The following CCDC18 variants were observed in gnomAD, a reference collection of about 807,000 sequenced individuals.
CCDC18 encodes the protein coiled-coil domain containing 18.
CCDC18 carries 157 observed loss-of-function variants against 196.0 expected under a neutral mutation model. That is an observed-to-expected ratio of 0.80 (90% CI 0.70 to 0.91). CCDC18 has a LOEUF of 0.91. CCDC18 is among the 40% of genes least tolerant of loss of function. CCDC18 has a pLI of 0.00. For missense variants in CCDC18, 1,465 were observed against 1,611.6 expected (o/e 0.91, Z 1.56); for synonymous variants, 482 against 529.2 (o/e 0.91, Z 1.22).
At chr1:93,217,447 A>G (rs927647985) in intron 13 of CCDC18, among the ~76,000 whole-genome samples, 28 of 152,056 alleles carry the variant, frequency 1.8e-4, no homozygotes, top group South Asian at 4.2e-4. Context: ...CTGCTTTTCA[A>G]TTATACTTTT....
At chr1:93,198,696 G>T (rs1653227277) in intron 6 of CCDC18, among the ~76,000 whole-genome samples, 1 of 152,076 alleles carries the variant, frequency 6.6e-6, no homozygotes, top group South Asian at 2.1e-4. Context: ...TACCCAGGCT[G>T]GAGTGCAATG....
At position 93,210,111 on chromosome 1, in the gene CCDC18, G is replaced by A. The variant is rs60242743; in HGVS notation, c.1210-691G>A. ...CGAATGTGGTAATGTATGCTTGATCGTTTGTTTCTTGTAGTGCTAAGAATG... is the reference window on the plus strand; with the variant it reads ...CGAATGTGGTAATGTATGCTTGATCATTTGTTTCTTGTAGTGCTAAGAATG... On this transcript the variant is annotated intron_variant, in intron 9 of 28. Transcript: ENST00000690025. Among the ~76,000 whole-genome samples, 349 of 152,214 alleles carry A rather than the reference G, an allele frequency of 2.3e-3. 1 individual carries two copies. The highest frequency in any genetic ancestry group is 7.8e-3 in the African/African-American group (325 of 41,534).
chr1:93,180,512 CT>C (rs773681629), upstream of CCDC18: 14 of 1,537,262 alleles, frequency 9.1e-6, no homozygotes, highest in Middle Eastern at 1.7e-4. Flanking sequence ...GCCTCTCCCC[CT>C]GACGGCCTCC....
At chr1:93,192,666 G>A (rs1652025987) in intron 5 of CCDC18, among the ~76,000 whole-genome samples, 1 of 152,310 alleles carries the variant, frequency 6.6e-6, no homozygotes, top group Admixed American at 6.5e-5. Context: ...TCAAACTCCT[G>A]GCCTCAAGCA....
At chr1:93,227,969 A>AT (rs1199036758) in intron 17 of CCDC18, among the ~76,000 whole-genome samples, 80 of 101,250 alleles carry the variant, frequency 7.9e-4, no homozygotes, top group South Asian at 4.0e-3. Flanking sequence ...AAAAAAAAAA[A>AT]AAATATATAT....
intron 16 of CCDC18, among the ~76,000 whole-genome samples, chr1:93,225,623 A>G (rs1658145498): frequency 6.6e-6 from 1 of 152,134 alleles, no homozygotes; most frequent in Non-Finnish European, 1.5e-5. Context: ...CTAAAAATAC[A>G]AAAATCAGCA....
intron 12 of CCDC18, among the ~76,000 whole-genome samples, chr1:93,215,167 G>A (rs1656278097): frequency 6.6e-6 from 1 of 152,150 alleles, no homozygotes; most frequent in East Asian, 1.9e-4. Flanking sequence ...GTTATTAAAA[G>A]TAGGAAAAAC....
chr1:93,189,301 G>T (rs1651301478), intron 4 of CCDC18, among the ~76,000 whole-genome samples: 1 of 152,126 alleles, frequency 6.6e-6, no homozygotes, highest in Non-Finnish European at 1.5e-5. Context: ...GCAAATGACT[G>T]ATTCTTATTC....
At chr1:93,252,158 A>G (rs1404586476) in intron 23 of CCDC18, among the ~76,000 whole-genome samples, 1 of 152,038 alleles carries the variant, frequency 6.6e-6, no homozygotes, top group Non-Finnish European at 1.5e-5. Context: ...CCACTTCCGC[A>G]TTGTGAGTAG....
intron 10 of CCDC18, 152 bp downstream of exon 10, chr1:93,211,078 C>G: frequency 1.5e-6 from 1 of 670,044 alleles, no homozygotes; most frequent in East Asian, 3.1e-5. Flanking sequence ...AGTTCGAGAC[C>G]AGCCTGACCA....
chr1:93,180,345 C>A, upstream of CCDC18: 1 of 1,379,048 alleles, frequency 7.3e-7, no homozygotes, highest in Non-Finnish European at 9.8e-7. Context: ...AATCTGGAGT[C>A]TGAAGAAACT....
chr1:93,181,904 C>A (rs1649781093), intron 1 of CCDC18, among the ~76,000 whole-genome samples: 1 of 152,166 alleles, frequency 6.6e-6, no homozygotes, highest in Admixed American at 6.5e-5. Context: ...CGTGAGCCAC[C>A]GCGCCCGGAC....
At chr1:93,193,357 A>G (rs752120519) in intron 5 of CCDC18, among the ~76,000 whole-genome samples, 2 of 152,164 alleles carry the variant, frequency 1.3e-5, no homozygotes, top group Non-Finnish European at 2.9e-5. Context: ...CTATACAGGA[A>G]TGCTTCTGGT....
chr1:93,268,966 C>T (rs1357526809), intron 27 of CCDC18, among the ~76,000 whole-genome samples: 4 of 151,944 alleles, frequency 2.6e-5, no homozygotes, highest in Non-Finnish European at 5.9e-5. Context: ...GCTATAAAGA[C>T]ACATGCACAT....
intron 14 of CCDC18, among the ~76,000 whole-genome samples, chr1:93,221,342 CATT>C (rs1293647715): frequency 6.6e-6 from 1 of 151,844 alleles, no homozygotes; most frequent in Non-Finnish European, 1.5e-5. Context: ...GATGGTATCT[CATT>C]GTGGTTTCGA....
chr1:93,244,785 T>C (rs1039513975), intron 21 of CCDC18, among the ~76,000 whole-genome samples: 5 of 152,168 alleles, frequency 3.3e-5, no homozygotes, highest in African/African-American at 7.2e-5. Flanking sequence ...CCTTATGTGG[T>C]CTGGTTCCTG....
At chr1:93,201,851 G>T in intron 6 of CCDC18, 41 bp from the exon 7 acceptor site, 1 of 1,262,136 alleles carries the variant, frequency 7.9e-7, no homozygotes, top group Non-Finnish European at 1.1e-6. Context: ...CAAATGCAGA[G>T]CATTCTTCAC....
intron 27 of CCDC18, chr1:93,269,603 G>T (rs1665019673): frequency 6.6e-6 from 1 of 152,092 alleles, no homozygotes; most frequent in African/African-American, 2.4e-5. Context: ...GAGTAAAACT[G>T]ACAGGATTTA....
upstream of CCDC18, chr1:93,180,109 T>C (rs1006870659): frequency 6.8e-6 from 11 of 1,613,578 alleles, no homozygotes; most frequent in Non-Finnish European, 9.3e-6. Flanking sequence ...GAAGCACTCC[T>C]TCTGGCCGGC....
Sources: allele counts gnomAD v4.1 joint callset (sites outside exome capture counted in the v4.1 genomes callset), GRCh38; gene constraint gnomAD v4.1.1; transcripts MANE v1.5; gene names NCBI Gene and HGNC (gene_info 2026-07-23, HGNC 2026-07-21).